Variants in PTPRO observed in about 807,000 individuals in gnomAD.
PTPRO encodes the protein receptor-type tyrosine-protein phosphatase O.
In PTPRO, 62 loss-of-function variants were observed where a neutral mutation model predicts 145.2. That is an observed-to-expected ratio of 0.43 (90% CI 0.35 to 0.53). The LOEUF is 0.53. Ranked by LOEUF, PTPRO falls within the 20% of genes least tolerant of loss-of-function variation. The pLI, the probability that PTPRO is intolerant of heterozygous loss-of-function variation, is 0.01. For synonymous variants in PTPRO, 565 were observed against 514.7 expected (o/e 1.10, Z -1.32); for missense variants, 1,345 against 1,482.7 (o/e 0.91, Z 1.53).
chr12:15,537,742 C>T (rs1205774495), intron 12 of PTPRO, among the ~76,000 whole-genome samples: 1 of 152,112 alleles, frequency 6.6e-6, no homozygotes, highest in African/African-American at 2.4e-5. Flanking sequence ...TCCAACAAAA[C>T]AGAGAAAACT....
intron 7 of PTPRO, among the ~76,000 whole-genome samples, chr12:15,511,538 T>G (rs753808926): frequency 3.3e-5 from 5 of 152,244 alleles, no homozygotes; most frequent in Admixed American, 6.5e-5. Flanking sequence ...GATAAATTTA[T>G]TATAATGGCA....
At chr12:15,542,572 TCTAA>T (rs929839010) in intron 12 of PTPRO, among the ~76,000 whole-genome samples, 5 of 152,202 alleles carry the variant, frequency 3.3e-5, no homozygotes, top group Admixed American at 3.3e-4. Context: ...GAAGAAATGC[TCTAA>T]CTCAGTACTA....
chr12:15,585,041 A>G (rs1262182975), intron 23 of PTPRO, among the ~76,000 whole-genome samples: 1 of 152,204 alleles, frequency 6.6e-6, no homozygotes, highest in Admixed American at 6.5e-5. Flanking sequence ...TTCAGCTCAC[A>G]GGGCTGACCC....
intron 1 of PTPRO, among the ~76,000 whole-genome samples, chr12:15,335,951 T>A (rs2136207143): frequency 6.6e-6 from 1 of 152,282 alleles, no homozygotes; most frequent in East Asian, 1.9e-4. Flanking sequence ...AGGCCTTCAA[T>A]TAGCCTCTTT....
At chr12:15,530,060 A>G (rs916472053) in intron 12 of PTPRO, among the ~76,000 whole-genome samples, 4 of 152,240 alleles carry the variant, frequency 2.6e-5, no homozygotes, top group Non-Finnish European at 5.9e-5. Flanking sequence ...CAAACAAGCA[A>G]AAAAGCAGAT....
intron 1 of PTPRO, among the ~76,000 whole-genome samples, chr12:15,438,886 T>C (rs1460984892): frequency 6.6e-6 from 1 of 152,020 alleles, no homozygotes; most frequent in East Asian, 1.9e-4. Context: ...AAAACAAATA[T>C]CAAGCCATGT....
intron 25 of PTPRO, among the ~76,000 whole-genome samples, chr12:15,589,913 G>A (rs558940733): frequency 7.9e-5 from 12 of 152,158 alleles, no homozygotes; most frequent in Non-Finnish European, 1.5e-4. Context: ...ACCAAATAGA[G>A]ACTGTTGAAC....
At chr12:15,466,544 T>A (rs1489364285) in intron 1 of PTPRO, among the ~76,000 whole-genome samples, 1 of 152,320 alleles carries the variant, frequency 6.6e-6, no homozygotes, top group Non-Finnish European at 1.5e-5. Context: ...TTCCTAGTAA[T>A]ATGCATTAAA....
chr12:15,555,167 G>T (rs563842874), intron 15 of PTPRO, among the ~76,000 whole-genome samples: 2 of 152,228 alleles, frequency 1.3e-5, no homozygotes, highest in South Asian at 4.2e-4. Context: ...GGACTTGGGG[G>T]GCGGAGGTTG....
At chr12:15,456,016 G>A (rs1290977366) in intron 1 of PTPRO, among the ~76,000 whole-genome samples, 1 of 152,146 alleles carries the variant, frequency 6.6e-6, no homozygotes, top group East Asian at 1.9e-4. Context: ...TTAAAAAGAA[G>A]GGTGGTAAAA....
intron 1 of PTPRO, among the ~76,000 whole-genome samples, chr12:15,415,583 AC>A (rs1426768433): frequency 6.7e-6 from 1 of 149,874 alleles, no homozygotes; most frequent in Non-Finnish European, 1.5e-5. Context: ...ACGGGGTTTC[AC>A]TCATGTTAGC....
intron 1 of PTPRO, among the ~76,000 whole-genome samples, chr12:15,339,185 A>G (rs566638030): frequency 2.0e-5 from 3 of 152,302 alleles, no homozygotes; most frequent in South Asian, 2.1e-4. Flanking sequence ...TATAAGTCCA[A>G]TAGAGTTTAA....
At chr12:15,452,232 T>C (rs2136380735) in intron 1 of PTPRO, among the ~76,000 whole-genome samples, 1 of 152,118 alleles carries the variant, frequency 6.6e-6, no homozygotes, top group Middle Eastern at 3.4e-3. Context: ...GTGCATAAAT[T>C]AGAAAACCTG....
intron 1 of PTPRO, among the ~76,000 whole-genome samples, chr12:15,449,991 T>C (rs1450874015): frequency 6.6e-6 from 1 of 152,252 alleles, no homozygotes; most frequent in East Asian, 1.9e-4. Flanking sequence ...GATCACTTCC[T>C]GTGTGAAACA....
chr12:15,326,671 T>G (rs1866454040), intron 1 of PTPRO, among the ~76,000 whole-genome samples: 1 of 152,228 alleles, frequency 6.6e-6, no homozygotes, highest in South Asian at 2.1e-4. Flanking sequence ...AATTCTAACT[T>G]GAGGGGTTGT....
chr12:15,337,932 C>T lies in PTPRO; in HGVS notation c.75+15131C>T, dbSNP rs114253628. On this transcript the variant is annotated intron_variant, in intron 1 of 26. Coordinates refer to ENST00000281171, the MANE Select transcript of PTPRO (RefSeq NM_030667.3). Reference sequence around the variant, plus strand: ...AATAGCTGCATGTGGCTAAAAGGGGCTAACATGAGGAAGCCTTGAAATAAT... The same window carrying T: ...AATAGCTGCATGTGGCTAAAAGGGGTTAACATGAGGAAGCCTTGAAATAAT... 4.7e-3 allele frequency among the ~76,000 whole-genome samples: 708 copies of T among 152,234 alleles called. 7 individuals are homozygous for T. Among genetic ancestry groups the T allele is most frequent in the African/African-American group, 0.016 (671 of 41,558 alleles).
chr12:15,551,084 T>A (rs1397891185), intron 14 of PTPRO, among the ~76,000 whole-genome samples: 1 of 152,226 alleles, frequency 6.6e-6, no homozygotes, highest in Non-Finnish European at 1.5e-5. Flanking sequence ...AGTTTGCTAA[T>A]GTCTTTTTGA....
At chr12:15,366,365 A>G (rs207472675) in intron 1 of PTPRO, among the ~76,000 whole-genome samples, 123 of 151,908 alleles carry the variant, frequency 8.1e-4, no homozygotes, top group Admixed American at 1.3e-3. Flanking sequence ...TGAGGGGGGG[A>G]AAATTGTAAT....
rs1223800254 is a variant in PTPRO, at chr12:15,520,232, A to G, written c.1811A>G (p.Tyr604Cys). 1 of 1,613,856 alleles carries G rather than the reference A, an allele frequency of 6.2e-7. No homozygotes were observed. The highest frequency in any genetic ancestry group is 8.5e-7 in the Non-Finnish European group (1 of 1,179,812). ...GCTAATCTGCTGCCAGCATGGTACT[A>G]CAACTTCCGGGTTACCATGGTGACG... The part of the protein sequence containing the change: ...RIANLLPAWY[Y>C]NFRVTMVTWG... The change falls in exon 10 of 27, where the codon TAC (tyrosine) becomes TGC (cysteine). Residue 604 changes from tyrosine to cysteine, a missense_variant. Coordinates refer to ENST00000281171, the MANE Select transcript of PTPRO (RefSeq NM_030667.3).
Sources: allele counts gnomAD v4.1 joint callset (sites outside exome capture counted in the v4.1 genomes callset), GRCh38; gene constraint gnomAD v4.1.1; transcripts MANE v1.5; gene names NCBI Gene and HGNC (gene_info 2026-07-23, HGNC 2026-07-21).